The following FAF1 variants were observed in gnomAD, a reference collection of about 807,000 sequenced individuals.
FAF1 encodes the protein Fas associated factor 1.
A neutral mutation model predicts 92.5 loss-of-function variants in FAF1; 25 were observed. The observed-to-expected ratio is 0.27, with a 90% confidence interval of 0.20 to 0.38. The LOEUF is 0.38. Among genes scored for constraint, FAF1 ranks in the 10% least tolerant of loss-of-function variants. FAF1 has a pLI of 1.00. For missense variants in FAF1, 636 were observed against 793.3 expected, an observed-to-expected ratio of 0.80 and a Z score of 2.38; for synonymous variants, 234 against 273.2, an observed-to-expected ratio of 0.86 and a Z score of 1.42.
intron 4 of FAF1, among the ~76,000 whole-genome samples, chr1:50,758,913 G>A (rs1253868890): frequency 6.6e-6 from 1 of 151,978 alleles, no homozygotes; most frequent in East Asian, 1.9e-4. Flanking sequence ...TGCGATCTCG[G>A]CTCTCTGCAA....
intron 9 of FAF1, among the ~76,000 whole-genome samples, chr1:50,588,195 G>A (rs752209447): frequency 3.9e-5 from 6 of 152,172 alleles, no homozygotes; most frequent in Admixed American, 1.3e-4. Context: ...GCTGAGGCAG[G>A]AGAATCACTT....
At chr1:50,565,406 T>C (rs181055886) in intron 13 of FAF1, among the ~76,000 whole-genome samples, 4 of 152,198 alleles carry the variant, frequency 2.6e-5, no homozygotes, top group East Asian at 3.9e-4. Context: ...CTGCAGTTCA[T>C]TGAGAAATAG....
chr1:50,646,426 T>G (rs557008971), intron 8 of FAF1, among the ~76,000 whole-genome samples: 12 of 152,366 alleles, frequency 7.9e-5, no homozygotes, highest in Middle Eastern at 3.4e-3. Context: ...ATCGATCCTT[T>G]AGTTGTTTAT....
chr1:50,679,487 G>C (rs1300418244), intron 7 of FAF1, among the ~76,000 whole-genome samples: 4 of 148,150 alleles, frequency 2.7e-5, no homozygotes, highest in African/African-American at 9.9e-5. Context: ...CCCAACAGAT[G>C]ATCCTGCCTC....
intron 13 of FAF1, among the ~76,000 whole-genome samples, chr1:50,554,390 T>TATATATATAGAGAGAGAGAG: frequency 5.3e-5 from 5 of 93,686 alleles, no homozygotes; most frequent in African/African-American, 1.9e-4. Flanking sequence ...TATATATATA[T>TATATATATAGAGAGAGAGAG]AGAGAGAGAG....
chr1:50,550,422 T>TA lies in FAF1; in HGVS notation c.1269-10695dup, dbSNP rs1384908116. Reference sequence around the variant, plus strand: ...ATCTCACCCACAGGAGGAAAGTCTTTAACAGATAAGTGACCAGGAAAACAG... The same window carrying TA: ...ATCTCACCCACAGGAGGAAAGTCTTTAAACAGATAAGTGACCAGGAAAACAG... On this transcript the variant is annotated intron_variant, in intron 13 of 18. Transcript: ENST00000396153. 2.7e-5 allele frequency among the ~76,000 whole-genome samples: 4 copies of TA among 150,018 alleles called. No homozygotes were observed. In the South Asian group the frequency reaches 6.3e-4, roughly 24 times the overall value.
chr1:50,708,513 T>C lies in FAF1; in HGVS notation c.552-2622A>G, dbSNP rs1657785824. Among the ~76,000 whole-genome samples the C allele has an allele frequency of 2.0e-5, 3 of 150,540 alleles. No homozygotes were observed. The South Asian group carries it at 6.3e-4, about 32-fold the overall frequency. Reference sequence around the variant, plus strand: ...CATTGAGATGTTTTGAGATGTCTATTAGACAGTCAAAAAAAAAAAATGTCA... The same window carrying C: ...CATTGAGATGTTTTGAGATGTCTATCAGACAGTCAAAAAAAAAAAATGTCA... On this transcript the variant is annotated intron_variant, in intron 6 of 18. Coordinates refer to ENST00000396153, the MANE Select transcript of FAF1 (RefSeq NM_007051.3).
intron 2 of FAF1, among the ~76,000 whole-genome samples, chr1:50,837,104 C>T (rs909915946): frequency 6.6e-6 from 1 of 151,582 alleles, no homozygotes; most frequent in Non-Finnish European, 1.5e-5. Context: ...ACTACAGGCA[C>T]CCGCCACCAT....
intron 17 of FAF1, among the ~76,000 whole-genome samples, chr1:50,477,653 T>A (rs1646654461): frequency 6.6e-6 from 1 of 152,198 alleles, no homozygotes; most frequent in African/African-American, 2.4e-5. Flanking sequence ...TGGATTAACA[T>A]CTGTGTATAT....
At chr1:50,689,646 T>A (rs1027288643) in intron 7 of FAF1, among the ~76,000 whole-genome samples, 7 of 152,244 alleles carry the variant, frequency 4.6e-5, no homozygotes, top group African/African-American at 1.7e-4. Flanking sequence ...TACATGAATG[T>A]TCACAGTAGC....
intron 15 of FAF1, among the ~76,000 whole-genome samples, chr1:50,526,094 C>T (rs992146947): frequency 2.6e-5 from 4 of 152,080 alleles, no homozygotes; most frequent in African/African-American, 7.2e-5. Context: ...ATATCGTTTG[C>T]GATATTTCAC....
intron 8 of FAF1, among the ~76,000 whole-genome samples, chr1:50,647,829 GGAGA>G (rs745353093): frequency 6.6e-6 from 1 of 152,020 alleles, no homozygotes; most frequent in Non-Finnish European, 1.5e-5. Flanking sequence ...AGGAAGGAAG[GGAGA>G]AATGAAGGAA....
intron 4 of FAF1, among the ~76,000 whole-genome samples, chr1:50,760,465 A>C (rs1660279181): frequency 6.6e-6 from 1 of 152,244 alleles, no homozygotes; most frequent in South Asian, 2.1e-4. Flanking sequence ...AATGTAAAAG[A>C]ACAGAAATTA....
chr1:50,735,613 T>G (rs1361421606), intron 6 of FAF1, among the ~76,000 whole-genome samples: 1 of 152,230 alleles, frequency 6.6e-6, no homozygotes, highest in Non-Finnish European at 1.5e-5. Flanking sequence ...TTTCTTGTTT[T>G]TTAACAGGAC....
At position 50,905,892 on chromosome 1, in the gene FAF1, G is replaced by A. The variant is rs955074756; in HGVS notation, c.46-47895C>T. ...AAGCTCTTTAGTTTAATTAGATCCC[G>A]TTTGTCAATTTTGGCTTTGGTTGCC... is the stretch of plus-strand genomic sequence containing the variant. On this transcript the variant is annotated intron_variant, in intron 1 of 18. Coordinates refer to ENST00000396153, the MANE Select transcript of FAF1 (RefSeq NM_007051.3). Among the ~76,000 whole-genome samples, 61 of 152,162 alleles carry A rather than the reference G, an allele frequency of 4.0e-4. No homozygotes were observed. The East Asian group carries it at 8.1e-3, about 20-fold the overall frequency.
intron 1 of FAF1, among the ~76,000 whole-genome samples, chr1:50,860,507 A>G (rs1644423486): frequency 6.6e-6 from 1 of 151,932 alleles, no homozygotes; most frequent in Admixed American, 6.6e-5. Flanking sequence ...AATGTTCCAC[A>G]TCACCAATCA....
intron 15 of FAF1, among the ~76,000 whole-genome samples, chr1:50,495,132 C>A (rs946068386): frequency 3.9e-5 from 6 of 152,056 alleles, no homozygotes; most frequent in African/African-American, 1.5e-4. Context: ...CAGTTAAAAT[C>A]TTTGTGTTAT....
chr1:50,931,342 G>C (rs1347698374), intron 1 of FAF1, among the ~76,000 whole-genome samples: 1 of 152,020 alleles, frequency 6.6e-6, no homozygotes, highest in Non-Finnish European at 1.5e-5. Flanking sequence ...CTTTAGGGTT[G>C]AGCATATGTA....
chr1:50,851,461 TC>T (rs981223962), intron 2 of FAF1, among the ~76,000 whole-genome samples: 112 of 152,354 alleles, frequency 7.4e-4, no homozygotes, highest in African/African-American at 2.6e-3. Flanking sequence ...AAATTGGTTT[TC>T]CCGCTGTGAG....
Sources: gnomAD v4.1 joint callset for allele counts (sites outside exome capture counted in the v4.1 genomes callset) on GRCh38, gnomAD v4.1.1 for gene constraint, MANE v1.5 for transcripts, NCBI Gene and HGNC (gene_info 2026-07-23, HGNC 2026-07-21) for gene names.